NAT1: variants seen among roughly 807,000 people sequenced by gnomAD.
NAT1 encodes N-acetyltransferase 1.
For synonymous variants in NAT1, 144 were observed against 122.6 expected, an observed-to-expected ratio of 1.17 and a Z score of -1.16; for missense variants, 400 against 339.2, an observed-to-expected ratio of 1.18 and a Z score of -1.41.
chr8:18,220,548 A>G (rs1428597373), intron 2 of NAT1, among the ~76,000 whole-genome samples: 3 of 152,210 alleles, frequency 2.0e-5, no homozygotes, highest in Non-Finnish European at 4.4e-5. Context: ...ATTTAACAAA[A>G]TAAGGGGCAT....
At chr8:18,175,209 G>C (rs184664707) in intron 2 of NAT1, among the ~76,000 whole-genome samples, 18 of 150,454 alleles carry the variant, frequency 1.2e-4, no homozygotes, top group African/African-American at 4.1e-4. Flanking sequence ...CTTTTTTTTT[G>C]GTGTGATGAG....
At chr8:18,179,558 C>T (rs1004127085) in intron 2 of NAT1, among the ~76,000 whole-genome samples, 1 of 152,150 alleles carries the variant, frequency 6.6e-6, no homozygotes, top group Admixed American at 6.6e-5. Flanking sequence ...GAAATGAGCA[C>T]AGAAAGAAGG....
chr8:18,210,554 AC>A (rs1238752598), intron 1 of NAT1, among the ~76,000 whole-genome samples: 1 of 152,234 alleles, frequency 6.6e-6, no homozygotes, highest in East Asian at 1.9e-4. Flanking sequence ...GTTTAAGGCA[AC>A]TTTCTCAACA....
At chr8:18,211,677 G>T (rs185712876) in intron 1 of NAT1, among the ~76,000 whole-genome samples, 1 of 152,170 alleles carries the variant, frequency 6.6e-6, no homozygotes, top group Non-Finnish European at 1.5e-5. Flanking sequence ...CTTTGGGTGC[G>T]GCTAGTCCAG....
chr8:18,218,324 G>C (rs1450895140), intron 1 of NAT1, among the ~76,000 whole-genome samples: 1 of 152,162 alleles, frequency 6.6e-6, no homozygotes, highest in African/African-American at 2.4e-5. Context: ...TATGGATGTT[G>C]AGGAGATCAC....
intron 2 of NAT1, among the ~76,000 whole-genome samples, chr8:18,187,376 T>C (rs181610217): frequency 6.8e-4 from 104 of 152,322 alleles, no homozygotes; most frequent in African/African-American, 2.4e-3. Context: ...TAAATTGCTC[T>C]ACCATAAAGA....
upstream of NAT1, among the ~76,000 whole-genome samples, chr8:18,209,398 C>T (rs1803880363): frequency 6.6e-6 from 1 of 152,224 alleles, no homozygotes; most frequent in South Asian, 2.1e-4. Context: ...ATGATTTGAT[C>T]ATTACACAAT....
chr8:18,192,840 T>C (rs1442212346), intron 2 of NAT1, among the ~76,000 whole-genome samples: 1 of 121,276 alleles, frequency 8.2e-6, no homozygotes, highest in Admixed American at 9.2e-5. Context: ...GGGACTGTTG[T>C]GGGGTGGGGG....
chr8:18,193,418 C>T (rs1028205170), intron 2 of NAT1, among the ~76,000 whole-genome samples: 2 of 146,396 alleles, frequency 1.4e-5, no homozygotes, highest in African/African-American at 5.0e-5. Context: ...GATCGTACCA[C>T]TGCACTCCAA....
intron 1 of NAT1, chr8:18,216,850 A>G: frequency 1.4e-6 from 2 of 1,422,090 alleles, no homozygotes; most frequent in Admixed American, 2.0e-5. Context: ...GGGAACTCAT[A>G]AGAACTCATA....
Position 18,188,083 on chromosome 8 carries a change from C to A in NAT1, n.92+17344C>A, listed in dbSNP as rs1052234177. Among the ~76,000 whole-genome samples, 6 of 152,024 alleles carry A rather than the reference C, an allele frequency of 3.9e-5. No individual in the cohort carries two copies. In the South Asian group the frequency reaches 1.2e-3, roughly 32 times the overall value. ...AAAATTCATCTTTACATAATACAGACTAGATCTAGAAATTAATATACTTTT... is the reference window on the plus strand; with the variant it reads ...AAAATTCATCTTTACATAATACAGAATAGATCTAGAAATTAATATACTTTT... On this transcript the variant is annotated intron_variant and non_coding_transcript_variant, in intron 2 of 4. Coordinates refer to the NAT1 transcript ENST00000517441.
chr8:18,181,669 T>C (rs889051599), intron 2 of NAT1, among the ~76,000 whole-genome samples: 28 of 152,310 alleles, frequency 1.8e-4, no homozygotes, highest in African/African-American at 6.7e-4. Flanking sequence ...TCTTAGGGCA[T>C]AGGCTTTAAT....
chr8:18,188,162 A>G (rs1206299874), intron 2 of NAT1, among the ~76,000 whole-genome samples: 1 of 152,224 alleles, frequency 6.6e-6, no homozygotes, highest in African/African-American at 2.4e-5. Context: ...GCTAAATAGC[A>G]TAATAGAAAG....
rs1235262822 is a variant in NAT1 at position 18,188,976 on chromosome 8, C to G, written n.92+18237C>G. Among the ~76,000 whole-genome samples, 5 of 108,382 alleles carry G rather than the reference C, an allele frequency of 4.6e-5. No individual in the cohort carries two copies. The East Asian group carries it at 1.4e-3, about 30-fold the overall frequency. The allele number at this position is 108,382 out of a possible 152,430, so 71.1% of individuals were successfully genotyped here. ...TCCCACTGCACTCCAGCCTGGGTGA[C>G]AGAGAGAGACTCCGACTCAAAAAAA... On this transcript the variant is annotated intron_variant and non_coding_transcript_variant, in intron 2 of 4. Transcript: ENST00000517441.
Position 18,219,505 on chromosome 8 carries a change from C to G in NAT1, c.-7+16C>G. 4.7e-6 allele frequency: 7 copies of G among 1,484,234 alleles called. 1 individual carries two copies. Among genetic ancestry groups the G allele is most frequent in the Non-Finnish European group, 4.6e-6 (5 of 1,090,674 alleles). 91.9% of individuals were successfully genotyped at this position (1,484,234 alleles called of 1,614,324 possible). A position where few individuals can be genotyped will look rare whatever the true frequency, so the allele number is the denominator to read the frequency against. The stretch of plus-strand genomic sequence containing the variant: ...ACTAAGAAAGGTATTAAGCGCCTTT[C>G]TGAGAGCTCTCAGTGGGCTTCCTAA... On this transcript the variant is annotated intron_variant, in intron 2 of 2. Coordinates refer to ENST00000307719, the MANE Select transcript of NAT1 (RefSeq NM_000662.8).
chr8:18,210,280 A>T (rs898004645), intron 1 of NAT1, 100 bp downstream of exon 1: 1 of 152,210 alleles, frequency 6.6e-6, no homozygotes, highest in Non-Finnish European at 1.5e-5. Context: ...CATTTCAAGT[A>T]TAAGGTTGCT....
intron 1 of NAT1, chr8:18,212,705 G>C (rs1475088887): frequency 6.6e-6 from 1 of 152,354 alleles, no homozygotes; most frequent in African/African-American, 2.4e-5. Flanking sequence ...GTACAGGTCC[G>C]AAAGTAGAAG....
At chr8:18,203,119 T>C (rs1265715371) in intron 2 of NAT1, among the ~76,000 whole-genome samples, 1 of 152,218 alleles carries the variant, frequency 6.6e-6, no homozygotes, top group Admixed American at 6.5e-5. Context: ...TCCAGCTGGC[T>C]CCAGCTCTCA....
chr8:18,196,628 A>G (rs1589079781), intron 2 of NAT1, among the ~76,000 whole-genome samples: 1 of 152,356 alleles, frequency 6.6e-6, no homozygotes, highest in South Asian at 2.1e-4. Flanking sequence ...TGAGAAAGTC[A>G]TAAATTCTTG....
Sources: allele counts gnomAD v4.1 joint callset (sites outside exome capture counted in the v4.1 genomes callset), GRCh38; gene constraint gnomAD v4.1.1; transcripts MANE v1.5; gene names NCBI Gene and HGNC (gene_info 2026-07-23, HGNC 2026-07-21).